The following ACACB variants were observed in gnomAD, a reference collection of about 807,000 sequenced individuals.
ACACB encodes acetyl-CoA carboxylase beta, also known as acetyl-CoA carboxylase 2.
Under a neutral mutation model 278.8 loss-of-function variants are expected in ACACB, and 209 were observed. The observed-to-expected ratio is 0.75, with a 90% CI of 0.67 to 0.84. The LOEUF is 0.84. Among genes scored for constraint, ACACB ranks in the 40% least tolerant of loss-of-function variants. The probability of loss-of-function intolerance (pLI) is 0.00; values close to 1 mark genes in which losing one functional copy is unlikely to be tolerated. For synonymous variants in ACACB, 1,174 were observed against 1,285.6 expected (o/e 0.91, Z 1.86); for missense variants, 2,850 against 3,269.0 (o/e 0.87, Z 3.13).
intron 27 of ACACB, among the ~76,000 whole-genome samples, chr12:109,225,703 C>T (rs1053764623): frequency 6.6e-6 from 1 of 152,226 alleles, no homozygotes; most frequent in African/African-American, 2.4e-5. Flanking sequence ...TGTTTAAACT[C>T]CAGAACTGCA....
At chr12:109,150,575 A>C (rs2043345516) in intron 2 of ACACB, among the ~76,000 whole-genome samples, 1 of 152,234 alleles carries the variant, frequency 6.6e-6, no homozygotes, top group South Asian at 2.1e-4. Flanking sequence ...CCAGGAAGGC[A>C]AATGAGGCTC....
chr12:109,197,014 C>T lies in ACACB; in HGVS notation c.2488C>T (p.Arg830Trp), dbSNP rs1291454767. 1.9e-6 allele frequency: 3 copies of T among 1,560,996 alleles called. No homozygotes were observed. Among genetic ancestry groups the T allele is most frequent in the Middle Eastern group, 1.7e-4 (1 of 5,838 alleles). ...AAGGGGCTTGTCCCCACAGGTGGCC[C>T]GGCAGTCTCTGACCATGTTCGTTCT... Reference protein sequence around the residue: ...GGVKYILKVARQSLTMFVLIM... With the variant: ...GGVKYILKVAWQSLTMFVLIM... The change falls in exon 17 of 53, where the codon CGG (arginine) becomes TGG (tryptophan). Residue 830 changes from arginine (R) to tryptophan (W), a missense_variant. By Grantham distance (101) the Arg-to-Trp change is moderately radical (BLOSUM62 -3). Around this residue, in one of 3 missense-constraint regions of ACACB, gnomAD observed 2,265 missense variants for 2,561.3 expected, o/e 0.88. Transcript: ENST00000338432.
At chr12:109,161,751 GGT>G (rs59012391) in intron 2 of ACACB, among the ~76,000 whole-genome samples, 10 of 146,436 alleles carry the variant, frequency 6.8e-5, no homozygotes, top group Admixed American at 2.0e-4. Flanking sequence ...GTGTGTGTGT[GGT>G]GTGTGTGTGT....
rs190542856 is a variant in ACACB at position 109,185,786 on chromosome 12, G to A, written c.1980+46G>A. 8.0e-4 allele frequency: 1,252 copies of A among 1,558,414 alleles called. 1 individual carries two copies. The highest frequency in any genetic ancestry group is 1.0e-3 in the Non-Finnish European group (1,154 of 1,148,850). The stretch of plus-strand genomic sequence containing the variant: ...TGTTTCCACCATCTCAGATCTCCCA[G>A]CATGTGGGGGACCCTGGATGTTAGC... On this transcript the variant is annotated intron_variant, in intron 12 of 52. Transcript: ENST00000338432.
intron 46 of ACACB, 39 bp downstream of exon 46, chr12:109,258,403 C>A: frequency 6.4e-7 from 1 of 1,552,384 alleles, no homozygotes; most frequent in Non-Finnish European, 8.8e-7. Context: ...GTTTAGCCAG[C>A]GGTACTGTCG....
chr12:109,262,589 A>G (rs2047407331), intron 49 of ACACB, 120 bp downstream of exon 49: 3 of 596,954 alleles, frequency 5.0e-6, no homozygotes, highest in Non-Finnish European at 8.8e-6. Flanking sequence ...AGCTATAATA[A>G]CTGTGAGATT....
intron 21 of ACACB, among the ~76,000 whole-genome samples, chr12:109,210,457 A>G (rs1428290354): frequency 9.2e-5 from 12 of 129,942 alleles, no homozygotes; most frequent in South Asian, 2.3e-4. Flanking sequence ...GTATATATGT[A>G]TATATACGCA....
At chr12:109,159,775 G>A (rs1217334401) in intron 2 of ACACB, among the ~76,000 whole-genome samples, 3 of 151,762 alleles carry the variant, frequency 2.0e-5, no homozygotes, top group Non-Finnish European at 2.9e-5. Context: ...ATTGCTCCCC[G>A]GGGAGCAAAA....
At chr12:109,201,930 A>G (rs1382247357) in intron 19 of ACACB, among the ~76,000 whole-genome samples, 4 of 151,894 alleles carry the variant, frequency 2.6e-5, no homozygotes, top group African/African-American at 4.8e-5. Context: ...GCAAAACCCA[A>G]TTTCTGCCAG....
intron 28 of ACACB, 79 bp downstream of exon 28, chr12:109,227,568 T>C (rs1274294069): frequency 7.1e-7 from 1 of 1,401,504 alleles, no homozygotes; most frequent in African/African-American, 1.4e-5. Context: ...TGGAAGGACC[T>C]GGCAAGTGTG....
chr12:109,168,565 C>T (rs1469133682), intron 4 of ACACB, among the ~76,000 whole-genome samples: 4 of 152,152 alleles, frequency 2.6e-5, no homozygotes, highest in Non-Finnish European at 4.4e-5. Flanking sequence ...CCTGTAATCC[C>T]AGCACTTTGG....
At chr12:109,194,614 G>C (rs1356372665) in intron 16 of ACACB, among the ~76,000 whole-genome samples, 1 of 81,168 alleles carries the variant, frequency 1.2e-5, no homozygotes, top group South Asian at 5.4e-4. Context: ...CTGCCTCTGT[G>C]TGTGTGTGTG....
chr12:109,220,735 G>T (rs912051924), intron 24 of ACACB, among the ~76,000 whole-genome samples: 1 of 152,074 alleles, frequency 6.6e-6, no homozygotes, highest in Non-Finnish European at 1.5e-5. Context: ...TGTAGTTTTA[G>T]TAGGAAACAG....
At chr12:109,264,457 G>T in intron 50 of ACACB, 71 bp downstream of exon 50, 1 of 1,584,298 alleles carries the variant, frequency 6.3e-7, no homozygotes, top group Non-Finnish European at 8.6e-7. Flanking sequence ...GGACATTTGG[G>T]CTCGGGGGCG....
At chr12:109,156,500 C>T (rs2043540659) in intron 2 of ACACB, among the ~76,000 whole-genome samples, 1 of 151,768 alleles carries the variant, frequency 6.6e-6, no homozygotes, top group Admixed American at 6.6e-5. Context: ...TGCACTCCAG[C>T]CTGGGCAACA....
chr12:109,239,781 T>G (rs1334459877), intron 34 of ACACB, 49 bp from the exon 35 acceptor site: 7 of 1,529,420 alleles, frequency 4.6e-6, no homozygotes, highest in African/African-American at 1.4e-5. Flanking sequence ...CAGCTGGGAG[T>G]AGGCCTGCAC....
At chr12:109,187,310 A>C (rs1406140391) in intron 12 of ACACB, among the ~76,000 whole-genome samples, 1 of 152,054 alleles carries the variant, frequency 6.6e-6, no homozygotes, top group Non-Finnish European at 1.5e-5. Context: ...ACTTCTATTT[A>C]AACTTTTTAT....
In ACACB at chr12:109,144,134, G is replaced by A. The variant is rs745656152; in HGVS notation, c.653+4076G>A. 1.5e-4 allele frequency among the ~76,000 whole-genome samples: 23 copies of A among 152,258 alleles called. No homozygotes were observed. In the Middle Eastern group the frequency reaches 0.01, roughly 68 times the overall value. ...TCAAGACCAGCCTGGGCAACATGGTGAAACCCCATCTCTATTAAACTACAA... is the reference window on the plus strand; with the variant it reads ...TCAAGACCAGCCTGGGCAACATGGTAAAACCCCATCTCTATTAAACTACAA... On this transcript the variant is annotated intron_variant, in intron 2 of 52. Transcript: ENST00000338432.
At chr12:109,204,314 G>A (rs1182679135) in intron 19 of ACACB, among the ~76,000 whole-genome samples, 8 of 120,240 alleles carry the variant, frequency 6.7e-5, no homozygotes, top group South Asian at 2.6e-4. Context: ...TGCTCTTGTC[G>A]CCCAGGCTGG....
Sources: gnomAD v4.1 joint callset for allele counts (sites outside exome capture counted in the v4.1 genomes callset) on GRCh38, gnomAD v4.1.1 for gene constraint, gnomAD v4.1.1 regional missense constraint, MANE v1.5 for transcripts, NCBI Gene and HGNC (gene_info 2026-07-23, HGNC 2026-07-21) for gene names.